Variants in STK40 observed in about 807,000 individuals in gnomAD.
STK40 encodes serine/threonine kinase 40, also known as serine/threonine-protein kinase 40.
Under a neutral mutation model 47.9 loss-of-function variants are expected in STK40, and 13 were observed. The observed-to-expected ratio is 0.27, with a 90% CI of 0.18 to 0.43. The LOEUF (loss-of-function observed/expected upper bound fraction) is 0.43, where lower values mean the gene tolerates loss of function less well. Among genes scored for constraint, STK40 ranks in the 20% least tolerant of loss-of-function variants. The probability of loss-of-function intolerance (pLI) is 1.00; values close to 1 mark genes in which losing one functional copy is unlikely to be tolerated. For missense variants in STK40, 460 were observed against 595.1 expected, an observed-to-expected ratio of 0.77 and a Z score of 2.36; for synonymous variants, 225 against 243.2, an observed-to-expected ratio of 0.93 and a Z score of 0.69.
intron 1 of STK40, among the ~76,000 whole-genome samples, chr1:36,374,233 G>A (rs960095222): frequency 6.6e-6 from 1 of 152,226 alleles, no homozygotes; most frequent in African/African-American, 2.4e-5. Context: ...CCACTGCCCC[G>A]AGGAAGTCCC....
At chr1:36,348,541 C>A (rs1292090150) in intron 7 of STK40, among the ~76,000 whole-genome samples, 159 bp downstream of exon 7, 1 of 152,234 alleles carries the variant, frequency 6.6e-6, no homozygotes, top group Admixed American at 6.5e-5. Context: ...CCACCTCCAA[C>A]AGACCAAACA....
chr1:36,371,059 TAG>T (rs1226900899), intron 1 of STK40, among the ~76,000 whole-genome samples: 2 of 151,740 alleles, frequency 1.3e-5, no homozygotes, highest in Non-Finnish European at 2.9e-5. Context: ...GTATTTTTAG[TAG>T]AGATAGGGTT....
At chr1:36,355,549 G>A (rs1412746657) in intron 4 of STK40, 116 bp from the exon 5 acceptor site, 21 of 1,121,552 alleles carry the variant, frequency 1.9e-5, no homozygotes, top group Admixed American at 3.6e-5. Context: ...CCTGGAATTA[G>A]CCTGCATGTG....
chr1:36,344,512 G>T (rs1165472547), intron 7 of STK40, among the ~76,000 whole-genome samples: 1 of 152,206 alleles, frequency 6.6e-6, no homozygotes, highest in Non-Finnish European at 1.5e-5. Context: ...CGAGCCCCTG[G>T]GAGCCAGGCA....
intron 4 of STK40, among the ~76,000 whole-genome samples, chr1:36,357,608 T>A (rs552500263): frequency 3.4e-4 from 52 of 151,990 alleles, no homozygotes; most frequent in East Asian, 7.7e-4. Flanking sequence ...AAAAAAATTT[T>A]AAAAAAAAGG....
chr1:36,369,302 A>G (rs371698454), intron 1 of STK40, among the ~76,000 whole-genome samples: 1 of 151,882 alleles, frequency 6.6e-6, no homozygotes, highest in Admixed American at 6.6e-5. Context: ...GGAAGGATGC[A>G]CTCCATGGGA....
At chr1:36,385,187 G>A in intron 1 of STK40, among the ~76,000 whole-genome samples, 1 of 152,236 alleles carries the variant, frequency 6.6e-6, no homozygotes, top group Non-Finnish European at 1.5e-5. Context: ...CTTGGAAAAG[G>A]CCGGCCAAAC....
chr1:36,344,634 C>T (rs1006323853), intron 7 of STK40, among the ~76,000 whole-genome samples: 2 of 152,190 alleles, frequency 1.3e-5, no homozygotes, highest in African/African-American at 4.8e-5. Context: ...CTCCTGTCAC[C>T]GTCCCCACAC....
intron 7 of STK40, among the ~76,000 whole-genome samples, chr1:36,344,980 C>T (rs1393789033): frequency 6.6e-6 from 1 of 152,254 alleles, no homozygotes; most frequent in Non-Finnish European, 1.5e-5. Flanking sequence ...GTGATCTGCT[C>T]TGTCCAGGGC....
intron 7 of STK40, among the ~76,000 whole-genome samples, chr1:36,346,278 G>T (rs574537125): frequency 6.6e-6 from 1 of 152,202 alleles, no homozygotes; most frequent in Admixed American, 6.5e-5. Context: ...ACAGGCATGA[G>T]CCACCGCGCC....
At chr1:36,342,910 T>C (rs1318399980) in intron 10 of STK40, 5 of 478,782 alleles carry the variant, frequency 1.0e-5, no homozygotes, top group Non-Finnish European at 1.9e-5. Context: ...ACCTGCCCTC[T>C]GCTGCCTGGT....
chr1:36,339,742 C>T lies in STK40; in HGVS notation c.*2013G>A, dbSNP rs1646628232. On this transcript the variant is annotated 3_prime_UTR_variant, in exon 11 of 11. Transcript: ENST00000373132. ...TTTCCGTTTCTTTACAATAGGACTTCTCTCAGTGTGTGACACCCAGTGAGG... is the reference window on the plus strand; with the variant it reads ...TTTCCGTTTCTTTACAATAGGACTTTTCTCAGTGTGTGACACCCAGTGAGG... 1 of 152,728 alleles carries T rather than the reference C, an allele frequency of 6.5e-6. No homozygotes were observed. Among genetic ancestry groups the T allele is most frequent in the Non-Finnish European group, 1.5e-5 (1 of 68,084 alleles). 9.5% of individuals were successfully genotyped at this position (152,728 alleles called of 1,614,324 possible). A position where few individuals can be genotyped will look rare whatever the true frequency, so the allele number is the denominator to read the frequency against.
chr1:36,348,640 A>T, intron 7 of STK40, 60 bp downstream of exon 7: 1 of 1,502,174 alleles, frequency 6.7e-7, no homozygotes, highest in Non-Finnish European at 9.1e-7. Context: ...TGCTGAGTGG[A>T]CTGTCACAGA....
intron 1 of STK40, among the ~76,000 whole-genome samples, chr1:36,363,818 A>AG: frequency 6.8e-6 from 1 of 147,314 alleles, no homozygotes; most frequent in African/African-American, 2.5e-5. Context: ...CTGTCTCAAA[A>AG]AAAAAAAAAA....
At chr1:36,355,129 A>G in intron 5 of STK40, 77 bp downstream of exon 5, 1 of 1,453,564 alleles carries the variant, frequency 6.9e-7, no homozygotes, top group Non-Finnish European at 9.6e-7. Flanking sequence ...CACAGGACAG[A>G]GCTGCCTTCT....
intron 6 of STK40, among the ~76,000 whole-genome samples, chr1:36,352,854 T>C (rs1444111556): frequency 2.0e-5 from 3 of 152,260 alleles, no homozygotes; most frequent in African/African-American, 7.2e-5. Flanking sequence ...TGAGCGTTTC[T>C]GTCTGCAGCC....
At chr1:36,376,439 G>A (rs1646992721) in intron 1 of STK40, among the ~76,000 whole-genome samples, 1 of 152,236 alleles carries the variant, frequency 6.6e-6, no homozygotes, top group Non-Finnish European at 1.5e-5. Flanking sequence ...AGCAATGCCA[G>A]TTCCGGGGAT....
At chr1:36,360,074 C>A (rs528540349) in intron 2 of STK40, among the ~76,000 whole-genome samples, 2 of 152,324 alleles carry the variant, frequency 1.3e-5, no homozygotes, top group East Asian at 3.9e-4. Context: ...ACTTGCACCA[C>A]CGGTGATGAC....
chr1:36,344,213 A>G lies in STK40; in HGVS notation c.791T>C (p.Leu264Pro). The change falls in exon 8 of 11, where the codon CTC becomes CCC. Residue 264 changes from leucine (L) to proline (P), a missense_variant. Physicochemically the swap from Leu to Pro is moderately conservative, Grantham distance 98. Transcript: ENST00000373132. ...GAACTGGCCATACAGCATGGTGAAG[A>G]GCACCACGCCCAGGGCCCACATGTC... ...PSDMWALGVVLFTMLYGQFPF... is the reference protein window; with the variant it reads ...PSDMWALGVVPFTMLYGQFPF... 6.2e-7 allele frequency: 1 copy of G among 1,613,156 alleles called. No individual in the cohort carries two copies. Among genetic ancestry groups the G allele is most frequent in the Non-Finnish European group, 8.5e-7 (1 of 1,179,722 alleles).
Sources: allele counts gnomAD v4.1 joint callset (sites outside exome capture counted in the v4.1 genomes callset), GRCh38; gene constraint gnomAD v4.1.1; transcripts MANE v1.5; gene names NCBI Gene and HGNC (gene_info 2026-07-23, HGNC 2026-07-21).